Variants in KIRREL1 observed in about 807,000 individuals in gnomAD.
KIRREL1 encodes kirre like nephrin family adhesion molecule 1.
KIRREL1 carries 25 observed loss-of-function variants against 83.3 expected under a neutral mutation model. The observed-to-expected ratio is 0.30, with a 90% CI of 0.22 to 0.42. KIRREL1 has a LOEUF of 0.42. Among genes scored for constraint, KIRREL1 ranks in the 10% least tolerant of loss-of-function variants. KIRREL1 has a pLI of 1.00. For synonymous variants in KIRREL1, 388 were observed against 410.4 expected, an observed-to-expected ratio of 0.95 and a Z score of 0.66; for missense variants, 812 against 1,032.3, an observed-to-expected ratio of 0.79 and a Z score of 2.92.
At chr1:158,070,667 G>T (rs1264633659) in intron 1 of KIRREL1, among the ~76,000 whole-genome samples, 1 of 152,206 alleles carries the variant, frequency 6.6e-6, no homozygotes, top group African/African-American at 2.4e-5. Flanking sequence ...ATGATTCCCA[G>T]TCTGAGGCTA....
rs114057532 is a variant in KIRREL1, at chr1:158,069,038, C to T, written c.53-7075C>T. On this transcript the variant is annotated intron_variant, in intron 1 of 14. Transcript: ENST00000359209. ...GGGAGACAGGGCCTGTCCTCCACCA[C>T]CCCCTACTTCTGCCGCCTGGTCCCC... is the stretch of plus-strand genomic sequence containing the variant. Among the ~76,000 whole-genome samples, 1,073 of 152,272 alleles carry T rather than the reference C, an allele frequency of 7.0e-3. 17 individuals carry two copies. The highest frequency in any genetic ancestry group is 0.025 in the African/African-American group (1,020 of 41,544).
intron 1 of KIRREL1, among the ~76,000 whole-genome samples, chr1:158,057,512 C>T (rs766479326): frequency 6.6e-6 from 1 of 152,222 alleles, no homozygotes; most frequent in Non-Finnish European, 1.5e-5. Flanking sequence ...TGAGCTCTTT[C>T]CCACCGTCAC....
Position 158,086,742 on chromosome 1 carries a change from G to A in KIRREL1, c.657G>A (p.Val219=), listed in dbSNP as rs747088272. The A allele has an allele frequency of 5.2e-6, 8 of 1,550,652 alleles. No homozygotes were observed. Among genetic ancestry groups the A allele is most frequent in the South Asian group, 1.2e-5 (1 of 84,028 alleles). ...AGGAGACTTCCATCGAGCTGGATGT[G>A]CACCGTGAGTGGGCTGGGGGGAGCA... is the stretch of plus-strand genomic sequence containing the variant. ...SGKETSIELD[V]HHPPTVTLSI... Residue 219 remains valine (V), a synonymous_variant, in exon 5 of 15, where the codon GTG becomes GTA. Coordinates refer to ENST00000359209, the MANE Select transcript of KIRREL1 (RefSeq NM_018240.7).
chr1:158,093,055 A>C (rs1361965576), intron 11 of KIRREL1, among the ~76,000 whole-genome samples: 1 of 152,210 alleles, frequency 6.6e-6, no homozygotes, highest in Non-Finnish European at 1.5e-5. Context: ...CAGACAACCA[A>C]GACCAGGGGC....
intron 1 of KIRREL1, among the ~76,000 whole-genome samples, chr1:158,069,020 A>G (rs1661433595): frequency 6.6e-6 from 1 of 152,156 alleles, no homozygotes; most frequent in South Asian, 2.1e-4. Flanking sequence ...CCGGGGAGAC[A>G]GGGCCTGTCC....
intron 1 of KIRREL1, among the ~76,000 whole-genome samples, chr1:158,067,407 G>A (rs1315283155): frequency 4.6e-5 from 7 of 152,144 alleles, no homozygotes; most frequent in Admixed American, 3.9e-4. Flanking sequence ...GGGAGGAAAC[G>A]CCCCAGGGAG....
chr1:158,098,911 CAGG>C lies in KIRREL1; in HGVS notation c.*3794_*3796del, dbSNP rs1384053953. On this transcript the variant is annotated 3_prime_UTR_variant, in exon 15 of 15. Transcript: ENST00000359209. ...GTTTCGTGCCCTCTCGTTAACCTGT[CAGG>C]AGCCACAGGGCTCCATAAAACGGAA... 1 of 152,226 alleles carries C rather than the reference CAGG, an allele frequency of 6.6e-6. No individual in the cohort carries two copies. Among genetic ancestry groups the C allele is most frequent in the Non-Finnish European group, 1.5e-5 (1 of 68,038 alleles). The allele number at this position is 152,226 out of a possible 1,614,324, so 9.4% of individuals were successfully genotyped here. A position where few individuals can be genotyped will look rare whatever the true frequency, so the allele number is the denominator to read the frequency against.
intron 1 of KIRREL1, among the ~76,000 whole-genome samples, chr1:158,056,429 G>C (rs1661059695): frequency 6.6e-6 from 1 of 152,202 alleles, no homozygotes; most frequent in African/African-American, 2.4e-5. Context: ...GATCAGCAGG[G>C]GTCTAGGGGT....
chr1:158,030,409 C>G (rs1261802493), intron 1 of KIRREL1, among the ~76,000 whole-genome samples: 2 of 152,154 alleles, frequency 1.3e-5, no homozygotes, highest in African/African-American at 2.4e-5. Context: ...TATATCATCA[C>G]CAGGGTTTTA....
At chr1:158,015,920 C>T (rs763418235) in intron 1 of KIRREL1, among the ~76,000 whole-genome samples, 9 of 152,172 alleles carry the variant, frequency 5.9e-5, no homozygotes, top group African/African-American at 1.2e-4. Context: ...TATCATTGAC[C>T]GAATCTATGT....
At chr1:158,037,512 A>G (rs950411310) in intron 1 of KIRREL1, among the ~76,000 whole-genome samples, 1 of 150,594 alleles carries the variant, frequency 6.6e-6, no homozygotes, top group Non-Finnish European at 1.5e-5. Context: ...AAAAAAAAAA[A>G]GGAAGGGGTC....
At chr1:158,058,396 G>C (rs1661124534) in intron 1 of KIRREL1, among the ~76,000 whole-genome samples, 1 of 152,142 alleles carries the variant, frequency 6.6e-6, no homozygotes, top group South Asian at 2.1e-4. Flanking sequence ...ATTCTGTGCT[G>C]TCTCTCCCTC....
chr1:158,005,444 C>T (rs1245154655), intron 1 of KIRREL1, among the ~76,000 whole-genome samples: 2 of 152,214 alleles, frequency 1.3e-5, no homozygotes, highest in Admixed American at 6.5e-5. Flanking sequence ...ACCCACCCCA[C>T]CCTGCCAAGT....
At chr1:158,051,586 T>G (rs1203688772) in intron 1 of KIRREL1, among the ~76,000 whole-genome samples, 1 of 152,244 alleles carries the variant, frequency 6.6e-6, no homozygotes, top group Non-Finnish European at 1.5e-5. Context: ...AGAGACATAG[T>G]GAATGGATAC....
At chr1:158,030,043 A>G (rs1368495098) in intron 1 of KIRREL1, among the ~76,000 whole-genome samples, 1 of 152,204 alleles carries the variant, frequency 6.6e-6, no homozygotes, top group Non-Finnish European at 1.5e-5. Flanking sequence ...ATCCCTGTGT[A>G]TAAGGCAGGT....
At position 158,094,175 on chromosome 1, in the gene KIRREL1, G is replaced by A. The variant is rs1571005531; in HGVS notation, c.1720-138G>A. The A allele has an allele frequency of 5.4e-6, 4 of 736,412 alleles. No individual in the cohort carries two copies. In the East Asian group the frequency reaches 1.1e-4, roughly 20 times the overall value. 45.6% of individuals were successfully genotyped at this position (736,412 alleles called of 1,614,324 possible). A position where few individuals can be genotyped will look rare whatever the true frequency, so the allele number is the denominator to read the frequency against. ...CACCACATCCCAGAGCCTCTGCTGA[G>A]AGGACCAGAACTCAAGTCTGCCCTT... On this transcript the variant is annotated intron_variant, in intron 13 of 14. Transcript: ENST00000359209. The surrounding 1 kb of genome is among the most constrained non-coding windows in gnomAD (Gnocchi z 4.6).
chr1:158,023,577 A>C (rs1660064872), intron 1 of KIRREL1, among the ~76,000 whole-genome samples: 1 of 152,156 alleles, frequency 6.6e-6, no homozygotes, highest in Non-Finnish European at 1.5e-5. Context: ...TCTCCGTTTA[A>C]AAGGCAGCTG....
At chr1:157,996,943 C>T (rs1465899504) in intron 1 of KIRREL1, among the ~76,000 whole-genome samples, 1 of 152,224 alleles carries the variant, frequency 6.6e-6, no homozygotes, top group East Asian at 1.9e-4. Flanking sequence ...CTCCTTCCCA[C>T]AGCTGAGTGG....
intron 1 of KIRREL1, among the ~76,000 whole-genome samples, chr1:158,013,580 T>C (rs1248968295): frequency 1.3e-5 from 2 of 152,072 alleles, no homozygotes; most frequent in Non-Finnish European, 2.9e-5. Flanking sequence ...AGTTTGAAAA[T>C]TACAGATTTA....
Sources: gnomAD v4.1 joint callset for allele counts (sites outside exome capture counted in the v4.1 genomes callset) on GRCh38, gnomAD v4.1.1 for gene constraint, Gnocchi (gnomAD v3.1) non-coding constraint, MANE v1.5 for transcripts, NCBI Gene and HGNC (gene_info 2026-07-23, HGNC 2026-07-21) for gene names.